The following SLC16A12 variants were observed in gnomAD, a reference collection of about 807,000 sequenced individuals.
SLC16A12 encodes the protein monocarboxylate transporter 12.
In SLC16A12, 17 loss-of-function variants were observed where a neutral mutation model predicts 42.4. The observed-to-expected ratio is 0.40, with a 90% CI of 0.27 to 0.60. SLC16A12 has a LOEUF of 0.60. Ranked by LOEUF, SLC16A12 falls within the 20% of genes least tolerant of loss-of-function variation. The pLI is 0.42. For missense variants in SLC16A12, 544 were observed against 623.0 expected (o/e 0.87, Z 1.35); for synonymous variants, 224 against 229.4 (o/e 0.98, Z 0.21).
intron 2 of SLC16A12, among the ~76,000 whole-genome samples, chr10:89,553,417 T>C (rs1843783399): frequency 1.3e-5 from 2 of 152,234 alleles, no homozygotes; most frequent in South Asian, 4.1e-4. Flanking sequence ...GGCTATTAAA[T>C]CATCTCAGCA....
In SLC16A12 at chr10:89,438,140, C is replaced by T. The variant is rs187886977; in HGVS notation, c.1028+464G>A. 5.9e-3 allele frequency among the ~76,000 whole-genome samples: 739 copies of T among 124,872 alleles called. 4 individuals are homozygous for T. Among genetic ancestry groups the T allele is most frequent in the African/African-American group, 0.02 (667 of 34,038 alleles). 81.9% of individuals were successfully genotyped at this position (124,872 alleles called of 152,430 possible). A position where few individuals can be genotyped will look rare whatever the true frequency, so the allele number is the denominator to read the frequency against. Reference sequence around the variant, plus strand: ...CAGAACTTGTAGTTACCCTAGGCTTCTGCAATTTAGACACATCTGGCCCAT... The same window carrying T: ...CAGAACTTGTAGTTACCCTAGGCTTTTGCAATTTAGACACATCTGGCCCAT... On this transcript the variant is annotated intron_variant, in intron 6 of 7. Coordinates refer to ENST00000371790, the MANE Select transcript of SLC16A12 (RefSeq NM_213606.4).
intron 2 of SLC16A12, among the ~76,000 whole-genome samples, chr10:89,553,160 T>C (rs1843781695): frequency 6.6e-6 from 1 of 152,252 alleles, no homozygotes; most frequent in Non-Finnish European, 1.5e-5. Flanking sequence ...GTAAAATCCG[T>C]ATGCATATCT....
intron 2 of SLC16A12, among the ~76,000 whole-genome samples, chr10:89,476,334 C>A (rs969625809): frequency 1.3e-5 from 2 of 152,186 alleles, no homozygotes; most frequent in Admixed American, 6.5e-5. Context: ...TCGCTGCCAT[C>A]CGCCATGCTG....
chr10:89,445,413 C>G (rs1841984865), intron 3 of SLC16A12, among the ~76,000 whole-genome samples: 1 of 152,218 alleles, frequency 6.6e-6, no homozygotes, highest in South Asian at 2.1e-4. Context: ...ATTTGCTGTT[C>G]TGCAATATTT....
At chr10:89,470,480 T>G (rs994057799) in intron 2 of SLC16A12, among the ~76,000 whole-genome samples, 2 of 152,018 alleles carry the variant, frequency 1.3e-5, no homozygotes, top group Admixed American at 6.6e-5. Flanking sequence ...AGAAACAGAG[T>G]GCCCACTGAC....
chr10:89,493,638 C>T (rs1446299118), intron 2 of SLC16A12, among the ~76,000 whole-genome samples: 6 of 152,148 alleles, frequency 3.9e-5, no homozygotes, highest in Non-Finnish European at 5.9e-5. Flanking sequence ...TGTGGCTGAG[C>T]CAGAATGTAA....
chr10:89,445,985 T>A (rs1351960173), intron 3 of SLC16A12, among the ~76,000 whole-genome samples: 1 of 152,010 alleles, frequency 6.6e-6, no homozygotes, highest in Non-Finnish European at 1.5e-5. Context: ...GCCGATTTGA[T>A]CAAGTGGAAG....
At chr10:89,470,928 ACACG>A (rs1201480655) in intron 2 of SLC16A12, among the ~76,000 whole-genome samples, 17 of 137,966 alleles carry the variant, frequency 1.2e-4, no homozygotes, top group Non-Finnish European at 2.8e-4. Context: ...AAGGACACGG[ACACG>A]TGAGCTCTCC....
chr10:89,535,928 G>T (rs77951812), upstream of SLC16A12, among the ~76,000 whole-genome samples: 1,488 of 152,348 alleles, frequency 9.8e-3, 10 homozygotes, highest in Non-Finnish European at 0.017. Flanking sequence ...GAAATGCACC[G>T]GCTCATTCAG....
At chr10:89,537,627 T>G (rs1325789653), upstream of SLC16A12, among the ~76,000 whole-genome samples, 1 of 152,196 alleles carries the variant, frequency 6.6e-6, no homozygotes, top group Non-Finnish European at 1.5e-5. Flanking sequence ...CTCTCAGCCG[T>G]GAAGGTCTTT....
intron 2 of SLC16A12, among the ~76,000 whole-genome samples, chr10:89,501,512 C>T (rs140748101): frequency 3.3e-5 from 5 of 152,152 alleles, no homozygotes; most frequent in African/African-American, 1.2e-4. Context: ...CAAATACTTA[C>T]AGCCAACTGA....
chr10:89,477,637 AT>A (rs1263866490), intron 2 of SLC16A12, among the ~76,000 whole-genome samples: 2 of 151,982 alleles, frequency 1.3e-5, no homozygotes, highest in Non-Finnish European at 2.9e-5. Flanking sequence ...AATATAAGCC[AT>A]AAGCCATTTG....
intron 3 of SLC16A12, among the ~76,000 whole-genome samples, chr10:89,457,961 C>T (rs1374357687): frequency 6.6e-6 from 1 of 152,126 alleles, no homozygotes; most frequent in African/African-American, 2.4e-5. Flanking sequence ...TGTAGAACAT[C>T]CATTGTGTCC....
At chr10:89,506,216 G>A (rs943315564) in intron 2 of SLC16A12, among the ~76,000 whole-genome samples, 2 of 152,184 alleles carry the variant, frequency 1.3e-5, no homozygotes, top group African/African-American at 2.4e-5. Context: ...CAGAGTGTTC[G>A]AGCTCTGATA....
chr10:89,433,423 G>T, intron 7 of SLC16A12, 97 bp from the exon 8 acceptor site: 3 of 1,250,732 alleles, frequency 2.4e-6, no homozygotes, highest in East Asian at 5.0e-5. Flanking sequence ...ATAATAGATC[G>T]ATAGCACCAC....
chr10:89,435,085 T>C (rs1481750713), intron 7 of SLC16A12, among the ~76,000 whole-genome samples: 2 of 152,250 alleles, frequency 1.3e-5, no homozygotes, highest in African/African-American at 4.8e-5. Context: ...TGTCAAATTG[T>C]TTAATCATGC....
intron 2 of SLC16A12, among the ~76,000 whole-genome samples, chr10:89,473,622 G>A (rs898021515): frequency 2.0e-5 from 3 of 151,940 alleles, no homozygotes; most frequent in Admixed American, 6.6e-5. Flanking sequence ...AATTTTTTTC[G>A]TATCTATATT....
chr10:89,515,693 C>A (rs78194372), intron 2 of SLC16A12, among the ~76,000 whole-genome samples: 5,728 of 152,076 alleles, frequency 0.038, 138 homozygotes, highest in Non-Finnish European at 0.041. Flanking sequence ...CTTGTGTTGC[C>A]CAAAGAAAAC....
chr10:89,495,095 A>T (rs1394030666), intron 2 of SLC16A12, among the ~76,000 whole-genome samples: 3 of 152,162 alleles, frequency 2.0e-5, no homozygotes, highest in Non-Finnish European at 4.4e-5. Context: ...ATGCCCCTGT[A>T]ATCCCAGCAC....
Sources: allele counts gnomAD v4.1 joint callset (sites outside exome capture counted in the v4.1 genomes callset), GRCh38; gene constraint gnomAD v4.1.1; transcripts MANE v1.5; gene names NCBI Gene and HGNC (gene_info 2026-07-23, HGNC 2026-07-21).